BTBD3: variants seen among roughly 807,000 people sequenced by gnomAD.
The protein encoded by BTBD3 is BTB/POZ domain-containing protein 3.
A neutral mutation model predicts 41.6 loss-of-function variants in BTBD3; 14 were observed. The observed-to-expected ratio is 0.34, with a 90% confidence interval of 0.22 to 0.53. The LOEUF is 0.53. Ranked by LOEUF, BTBD3 falls within the 20% of genes least tolerant of loss-of-function variation. BTBD3 has a pLI of 0.95. For synonymous variants in BTBD3, 249 were observed against 233.7 expected (o/e 1.07, Z -0.60); for missense variants, 426 against 654.7 (o/e 0.65, Z 3.81).
intron 1 of BTBD3, among the ~76,000 whole-genome samples, chr20:11,905,572 A>C (rs549686539): frequency 4.6e-5 from 7 of 152,342 alleles, no homozygotes; most frequent in African/African-American, 1.7e-4. Context: ...TTTTACCGCT[A>C]TGCGTAAATA....
intron 1 of BTBD3, among the ~76,000 whole-genome samples, chr20:11,908,339 TA>T (rs2056869284): frequency 6.8e-6 from 1 of 147,752 alleles, no homozygotes; most frequent in Non-Finnish European, 1.5e-5. Context: ...TTTTTTTTTT[TA>T]AATAAGGTAC....
At chr20:11,904,690 T>C (rs1187465580) in intron 1 of BTBD3, among the ~76,000 whole-genome samples, 1 of 152,178 alleles carries the variant, frequency 6.6e-6, no homozygotes, top group Non-Finnish European at 1.5e-5. Context: ...AAAATAATTG[T>C]TTTCATTGAA....
At chr20:11,897,329 A>C (rs2056793017) in intron 1 of BTBD3, among the ~76,000 whole-genome samples, 1 of 152,102 alleles carries the variant, frequency 6.6e-6, no homozygotes, top group Non-Finnish European at 1.5e-5. Context: ...GGCCAGAACA[A>C]AATTTCTGAT....
intron 1 of BTBD3, among the ~76,000 whole-genome samples, chr20:11,896,151 G>A (rs999141880): frequency 1.3e-5 from 2 of 152,196 alleles, no homozygotes; most frequent in African/African-American, 4.8e-5. Context: ...TCTGTAATCA[G>A]TGTTTCTTTT....
chr20:11,923,418 A>G lies in BTBD3; in HGVS notation c.1321A>G (p.Lys441Glu), dbSNP rs2056988921. ...QGVVLGQNLS[K>E]YFSDGSSNTF... ...CGTTGTCCTGGGGCAGAACTTGAGC[A>G]AGTACTTCTCAGATGGGTCCAGCAA... The change falls in exon 4 of 4, where the codon AAG becomes GAG. Residue 441 changes from lysine (K) to glutamate (E), a missense_variant. Lys to Glu is a moderately conservative substitution (Grantham distance 56, BLOSUM62 1). Around this residue, in one of 3 missense-constraint regions of BTBD3, gnomAD observed 321 missense variants for 534.8 expected, o/e 0.60. Coordinates refer to ENST00000378226, the MANE Select transcript of BTBD3 (RefSeq NM_014962.4). This position sits in a 1 kb window ranked among gnomAD's most constrained non-coding sequence, Gnocchi z 5.3. The G allele has an allele frequency of 6.2e-7, 1 of 1,614,218 alleles. No individual in the cohort carries two copies. The highest frequency in any genetic ancestry group is 1.3e-5 in the African/African-American group (1 of 75,064).
At chr20:11,904,987 C>G (rs1199711816) in intron 1 of BTBD3, among the ~76,000 whole-genome samples, 1 of 152,194 alleles carries the variant, frequency 6.6e-6, no homozygotes, top group Non-Finnish European at 1.5e-5. Context: ...CTGAGTTATG[C>G]AAATCTTTCA....
upstream of BTBD3, among the ~76,000 whole-genome samples, chr20:11,914,478 C>A (rs187799375): frequency 2.6e-5 from 4 of 152,194 alleles, no homozygotes; most frequent in African/African-American, 9.6e-5. Context: ...GCCAATTTCA[C>A]CGACAGCTTG....
intron 1 of BTBD3, among the ~76,000 whole-genome samples, chr20:11,901,318 A>G (rs2056822469): frequency 6.6e-6 from 1 of 152,056 alleles, no homozygotes; most frequent in Non-Finnish European, 1.5e-5. Context: ...TTTGTTCACC[A>G]TCTTTTGTGG....
At chr20:11,920,950 C>CT (rs3215562) in intron 3 of BTBD3, among the ~76,000 whole-genome samples, 119,692 of 152,100 alleles carry the variant, frequency 0.79, 47,443 homozygotes, top group Non-Finnish European at 0.83. Context: ...CTGACAAGAC[C>CT]TTCACAGTAG....
At chr20:11,920,367 T>A (rs2056959537) in intron 3 of BTBD3, among the ~76,000 whole-genome samples, 1 of 152,154 alleles carries the variant, frequency 6.6e-6, no homozygotes, top group Admixed American at 6.5e-5. Flanking sequence ...AATCAGACAC[T>A]CTCAAGGGTA....
rs1424724647 is a variant in BTBD3 at position 11,925,658 on chromosome 20, T to A, written c.*1992T>A. The A allele has an allele frequency of 1.3e-5, 2 of 152,664 alleles. No individual in the cohort carries two copies. Among genetic ancestry groups the A allele is most frequent in the Non-Finnish European group, 2.9e-5 (2 of 68,046 alleles). 9.5% of individuals were successfully genotyped at this position (152,664 alleles called of 1,614,324 possible). On this transcript the variant is annotated 3_prime_UTR_variant, in exon 4 of 4. Coordinates refer to ENST00000378226, the MANE Select transcript of BTBD3 (RefSeq NM_014962.4). The stretch of plus-strand genomic sequence containing the variant: ...AAAGATTTGGTTTTTAAATTATGGT[T>A]ACACATTTCAGTAACTCATAGCTGC...
At chr20:11,901,955 A>T (rs748057567) in intron 1 of BTBD3, among the ~76,000 whole-genome samples, 1 of 152,188 alleles carries the variant, frequency 6.6e-6, no homozygotes, top group African/African-American at 2.4e-5. Context: ...TTTAAGAGTG[A>T]AGATGGGAAG....
At chr20:11,902,980 C>G (rs2056832737) in intron 1 of BTBD3, among the ~76,000 whole-genome samples, 1 of 151,656 alleles carries the variant, frequency 6.6e-6, no homozygotes. Context: ...ACTAATTTTC[C>G]AATATAGTTA....
At position 11,918,120 on chromosome 20, in the gene BTBD3, T is replaced by C; in HGVS notation, c.-156T>C. The C allele has an allele frequency of 2.0e-6, 3 of 1,471,982 alleles. No individual in the cohort carries two copies. The South Asian group carries it at 4.5e-5, about 22-fold the overall frequency. The allele number at this position is 1,471,982 out of a possible 1,614,324, so 91.2% of individuals were successfully genotyped here. A position where few individuals can be genotyped will look rare whatever the true frequency, so the allele number is the denominator to read the frequency against. The stretch of plus-strand genomic sequence containing the variant: ...GATAAAACTTAAAGCCAGTTTCTAT[T>C]CAACATAGTGAAAAGGTCACCTTGC... On this transcript the variant is annotated 5_prime_UTR_variant, in exon 1 of 4. Transcript: ENST00000378226.
At chr20:11,903,871 A>C (rs2056838204) in intron 1 of BTBD3, among the ~76,000 whole-genome samples, 1 of 152,112 alleles carries the variant, frequency 6.6e-6, no homozygotes, top group Admixed American at 6.5e-5. Context: ...GCCTCCCAAA[A>C]TGCTGGGATT....
At chr20:11,892,953 C>G (rs1481072565) in intron 1 of BTBD3, among the ~76,000 whole-genome samples, 1 of 152,106 alleles carries the variant, frequency 6.6e-6, no homozygotes, top group Non-Finnish European at 1.5e-5. Context: ...AAATGTTAAA[C>G]TGCTTGTAAT....
At position 11,924,114 on chromosome 20, in the gene BTBD3, G is replaced by A. The variant is rs368826666; in HGVS notation, c.*448G>A. ...TAAACCTCAGTGTACAATTTTGAAAGAAGTTTTGCCTTGTAATGAGTAATA... is the reference window on the plus strand; with the variant it reads ...TAAACCTCAGTGTACAATTTTGAAAAAAGTTTTGCCTTGTAATGAGTAATA... On this transcript the variant is annotated 3_prime_UTR_variant, in exon 4 of 4. Transcript: ENST00000378226. The A allele has an allele frequency of 4.5e-5, 7 of 155,776 alleles. No homozygotes were observed. Among genetic ancestry groups the A allele is most frequent in the African/African-American group, 1.7e-4 (7 of 41,510 alleles). 9.6% of individuals were successfully genotyped at this position (155,776 alleles called of 1,614,324 possible).
chr20:11,897,507 A>AAAAAAC (rs2056794848), intron 1 of BTBD3, among the ~76,000 whole-genome samples: 2 of 150,946 alleles, frequency 1.3e-5, no homozygotes, highest in African/African-American at 2.4e-5. Context: ...AAAAAAAAAA[A>AAAAAAC]AAGAACATGG....
chr20:11,909,676 A>G (rs979243459), intron 1 of BTBD3: 2 of 152,348 alleles, frequency 1.3e-5, no homozygotes, highest in African/African-American at 4.8e-5. Context: ...ATAGCATTTC[A>G]TTAAATAGTA....
Sources: gnomAD v4.1 joint callset for allele counts (sites outside exome capture counted in the v4.1 genomes callset) on GRCh38, gnomAD v4.1.1 for gene constraint, gnomAD v4.1.1 regional missense constraint, Gnocchi (gnomAD v3.1) non-coding constraint, MANE v1.5 for transcripts, NCBI Gene and HGNC (gene_info 2026-07-23, HGNC 2026-07-21) for gene names.